MGST1: variants seen among roughly 807,000 people sequenced by gnomAD.
The protein encoded by MGST1 is microsomal glutathione S-transferase 1, also known as glutathione S-transferase 12.
A neutral mutation model predicts 8.9 loss-of-function variants in MGST1; 5 were observed. The ratio of observed to expected loss-of-function variants is 0.56; its 90% CI spans 0.29 to 1.19. The LOEUF (loss-of-function observed/expected upper bound fraction) is 1.19, where lower values mean the gene tolerates loss of function less well. MGST1 is among the 50% of genes most tolerant of loss of function. The probability of loss-of-function intolerance (pLI) is 0.08; values close to 1 mark genes in which losing one functional copy is unlikely to be tolerated. For synonymous variants in MGST1, 54 were observed against 67.8 expected (o/e 0.80, Z 1.00); for missense variants, 182 against 187.4 (o/e 0.97, Z 0.17).
At chr12:16,460,170 A>C (rs529208646) in intron 4 of MGST1, among the ~76,000 whole-genome samples, 1 of 152,180 alleles carries the variant, frequency 6.6e-6, no homozygotes, top group Non-Finnish European at 1.5e-5. Flanking sequence ...TTAGAGTGTC[A>C]TATGTCTGGA....
chr12:16,348,811 A>C (rs1939318747), intron 1 of MGST1: 1 of 152,054 alleles, frequency 6.6e-6, no homozygotes, highest in African/African-American at 2.4e-5. Context: ...TAAAAAAAAA[A>C]AAAAAAAAAA....
intron 1 of MGST1, among the ~76,000 whole-genome samples, chr12:16,388,792 G>A (rs142905260): frequency 6.6e-6 from 1 of 152,272 alleles, no homozygotes; most frequent in East Asian, 1.9e-4. Flanking sequence ...AATGGACCTC[G>A]AGGAACTGGA....
chr12:16,348,080 C>A (rs935517639), intron 1 of MGST1, among the ~76,000 whole-genome samples: 7 of 152,168 alleles, frequency 4.6e-5, no homozygotes, highest in African/African-American at 1.7e-4. Flanking sequence ...GTAGTTTGAA[C>A]GACTGCTGTT....
intron 4 of MGST1, among the ~76,000 whole-genome samples, chr12:16,498,098 T>C (rs533247853): frequency 6.6e-6 from 1 of 152,294 alleles, no homozygotes; most frequent in East Asian, 1.9e-4. Flanking sequence ...TAACATATCA[T>C]TGTGAAGGAT....
In MGST1 at chr12:16,361,469, G is replaced by A. The variant is rs528280577; in HGVS notation, c.222-2326G>A. The stretch of plus-strand genomic sequence containing the variant: ...GAAAATGTAATCATGGGGAAGAAGG[G>A]TAATAGACCCAGGTAGAAAGTGGAC... On this transcript the variant is annotated intron_variant, in intron 3 of 3. Transcript: ENST00000396210. The surrounding 1 kb of genome is among the most constrained non-coding windows in gnomAD (Gnocchi z 4.2). Among the ~76,000 whole-genome samples the A allele has an allele frequency of 6.6e-6, 1 of 152,318 alleles. No individual in the cohort carries two copies. The highest frequency in any genetic ancestry group is 2.1e-4 in the South Asian group (1 of 4,824).
At chr12:16,373,283 T>G in intron 3 of MGST1, among the ~76,000 whole-genome samples, 1 of 150,808 alleles carries the variant, frequency 6.6e-6, no homozygotes, top group East Asian at 1.9e-4. Context: ...TAAAGAGGGG[T>G]TGAGGAATGA....
At chr12:16,575,140 C>G (rs915091451) in intron 4 of MGST1, among the ~76,000 whole-genome samples, 1 of 152,180 alleles carries the variant, frequency 6.6e-6, no homozygotes, top group Non-Finnish European at 1.5e-5. Flanking sequence ...ATAATCTAAA[C>G]TTAACATTAT....
chr12:16,519,306 A>G (rs1049440560), intron 4 of MGST1, among the ~76,000 whole-genome samples: 1 of 152,164 alleles, frequency 6.6e-6, no homozygotes, highest in Non-Finnish European at 1.5e-5. Context: ...CTATGTTGGT[A>G]TTGTGTTTTT....
At chr12:16,442,504 T>G (rs905913390), downstream of MGST1, among the ~76,000 whole-genome samples, 10 of 151,846 alleles carry the variant, frequency 6.6e-5, no homozygotes, top group Non-Finnish European at 1.3e-4. The surrounding 1 kb of genome is among the most constrained non-coding windows in gnomAD (Gnocchi z 4.5). Flanking sequence ...GGATTTAAGG[T>G]CTTTGTTTTT....
intron 1 of MGST1, among the ~76,000 whole-genome samples, chr12:16,395,583 C>T (rs1940596699): frequency 2.0e-5 from 3 of 151,714 alleles, no homozygotes; most frequent in South Asian, 2.1e-4. Flanking sequence ...CCCCCACTTC[C>T]CCCAAGTCCC....
intron 1 of MGST1, among the ~76,000 whole-genome samples, chr12:16,432,198 T>C (rs916727655): frequency 2.6e-5 from 4 of 152,132 alleles, no homozygotes; most frequent in African/African-American, 9.7e-5. Flanking sequence ...ATTCTTCTGA[T>C]AAGTTTAAGG....
rs1225391287 is a variant in MGST1, at chr12:16,513,743, C to G, written n.483-75785C>G. ...GCCTTGGGCGAGAATAGCGAAGTCT[C>G]GAAAAGTGGCCGGTTTGTCACTGTG... On this transcript the variant is annotated intron_variant and non_coding_transcript_variant, in intron 4 of 4. Transcript: ENST00000538857. The surrounding 1 kb of genome is among the most constrained non-coding windows in gnomAD (Gnocchi z 4.2). 9 of 573,966 alleles carry G rather than the reference C, an allele frequency of 1.6e-5. No homozygotes were observed. Among genetic ancestry groups the G allele is most frequent in the Non-Finnish European group, 3.1e-5 (9 of 287,010 alleles). 35.6% of individuals were successfully genotyped at this position (573,966 alleles called of 1,614,324 possible).
intron 4 of MGST1, among the ~76,000 whole-genome samples, chr12:16,522,453 G>A (rs1941654137): frequency 6.6e-6 from 1 of 152,012 alleles, no homozygotes; most frequent in Admixed American, 6.6e-5. Flanking sequence ...AGTCTGTTAA[G>A]TACTCCAAGG....
chr12:16,531,101 A>C (rs966411200), intron 4 of MGST1, among the ~76,000 whole-genome samples: 1 of 145,844 alleles, frequency 6.9e-6, no homozygotes, highest in Non-Finnish European at 1.5e-5. Context: ...AAGTTGCAGC[A>C]CATGTGTTCA....
chr12:16,461,204 AC>A (rs1238043407), intron 4 of MGST1, among the ~76,000 whole-genome samples: 1 of 151,920 alleles, frequency 6.6e-6, no homozygotes, highest in Non-Finnish European at 1.5e-5. Flanking sequence ...GCACATCATA[AC>A]ATCACTGACC....
intron 1 of MGST1, among the ~76,000 whole-genome samples, chr12:16,353,061 T>C (rs888577234): frequency 4.0e-5 from 6 of 150,600 alleles, no homozygotes; most frequent in African/African-American, 1.2e-4. Context: ...GGAGACAGAG[T>C]CTCACTCTGT....
At chr12:16,538,196 T>C (rs1441568963) in intron 4 of MGST1, among the ~76,000 whole-genome samples, 1 of 152,180 alleles carries the variant, frequency 6.6e-6, no homozygotes, top group Non-Finnish European at 1.5e-5. Context: ...AATGCCACCA[T>C]TCTCTCTGCT....
rs927009884 is a variant in MGST1, at chr12:16,413,383, G to A, written n.779-24005G>A. Among the ~76,000 whole-genome samples, 9 of 152,132 alleles carry A rather than the reference G, an allele frequency of 5.9e-5. No individual in the cohort carries two copies. Among genetic ancestry groups the A allele is most frequent in the Admixed American group, 2.6e-4 (4 of 15,274 alleles). On this transcript the variant is annotated intron_variant and non_coding_transcript_variant, in intron 1 of 1. Transcript: ENST00000359720. The surrounding 1 kb of genome is among the most constrained non-coding windows in gnomAD (Gnocchi z 4.0). ...AGCAAAAAAGACATCTGTTCATCCCGCAAGATTTTGCTAACTCTCATCCAA... is the reference window on the plus strand; with the variant it reads ...AGCAAAAAAGACATCTGTTCATCCCACAAGATTTTGCTAACTCTCATCCAA...
chr12:16,362,024 A>C lies in MGST1; in HGVS notation c.222-1771A>C, dbSNP rs1940023379. On this transcript the variant is annotated intron_variant, in intron 3 of 3. Transcript: ENST00000396210. The surrounding 1 kb of genome is among the most constrained non-coding windows in gnomAD (Gnocchi z 4.4). ...TAGAAGTGGACATTGTTTTCCAGAG[A>C]GTCTCCTTTTTATAGTTTCTTCCTC... Among the ~76,000 whole-genome samples the C allele has an allele frequency of 6.6e-6, 1 of 152,076 alleles. No individual in the cohort carries two copies. Among genetic ancestry groups the C allele is most frequent in the Non-Finnish European group, 1.5e-5 (1 of 68,028 alleles).
Sources: gnomAD v4.1 joint callset for allele counts (sites outside exome capture counted in the v4.1 genomes callset) on GRCh38, gnomAD v4.1.1 for gene constraint, Gnocchi (gnomAD v3.1) non-coding constraint, MANE v1.5 for transcripts, NCBI Gene and HGNC (gene_info 2026-07-23, HGNC 2026-07-21) for gene names.